The following NFATC2IP variants were observed in gnomAD, a reference collection of about 807,000 sequenced individuals.
NFATC2IP encodes the protein NFATC2-interacting protein.
Under a neutral mutation model 40.2 loss-of-function variants are expected in NFATC2IP, and 25 were observed. The observed-to-expected ratio is 0.62, with a 90% CI of 0.45 to 0.87. The LOEUF is 0.87. Ranked by LOEUF, NFATC2IP falls within the 40% of genes least tolerant of loss-of-function variation. The pLI, the probability that NFATC2IP is intolerant of heterozygous loss-of-function variation, is 0.00. For missense variants in NFATC2IP, 553 were observed against 555.6 expected (o/e 1.00, Z 0.05); for synonymous variants, 241 against 236.3 (o/e 1.02, Z -0.18).
chr16:28,950,944 C>T lies in NFATC2IP; in HGVS notation c.-68C>T. The T allele has an allele frequency of 2.1e-6, 3 of 1,417,120 alleles. No individual in the cohort carries two copies. The highest frequency in any genetic ancestry group is 2.7e-6 in the Non-Finnish European group (3 of 1,091,642). 87.8% of individuals were successfully genotyped at this position (1,417,120 alleles called of 1,614,324 possible). ...AGCAGGCTGTTTGTCCAATGCAAGG[C>T]GAAAGTCGCTGAAGGGGGCGGGGCG... is the stretch of plus-strand genomic sequence containing the variant. On this transcript the variant is annotated 5_prime_UTR_variant, in exon 1 of 8. Coordinates refer to ENST00000320805, the MANE Select transcript of NFATC2IP (RefSeq NM_032815.4).
intron 2 of NFATC2IP, 64 bp from the exon 3 acceptor site, chr16:28,954,501 C>T (rs1006525510): frequency 9.1e-7 from 1 of 1,104,708 alleles, no homozygotes; most frequent in South Asian, 1.3e-5. Flanking sequence ...TGACTTGTTT[C>T]TTCTTGGCCT....
At position 28,951,158 on chromosome 16, in the gene NFATC2IP, C is replaced by T; in HGVS notation, c.147C>T (p.Asp49=). 2.6e-6 allele frequency: 4 copies of T among 1,545,552 alleles called. No individual in the cohort carries two copies. Among genetic ancestry groups the T allele is most frequent in the Non-Finnish European group, 3.5e-6 (4 of 1,144,280 alleles). Residue 49 remains aspartate, a synonymous_variant, in exon 1 of 8, where the codon GAC becomes GAT. Transcript: ENST00000320805. Reference sequence around the variant, plus strand: ...GCACGCTGGACGTAGTGTCTGTGGACTTGGTCACCGACAGCGATGAGGAAA... The same window carrying T: ...GCACGCTGGACGTAGTGTCTGTGGATTTGGTCACCGACAGCGATGAGGAAA... ...SRGTLDVVSV[D]LVTDSDEEIL... is the part of the protein sequence containing the mutation.
chr16:28,956,168 T>C lies in NFATC2IP; in HGVS notation c.677T>C (p.Leu226Pro). 6.2e-7 allele frequency: 1 copy of C among 1,613,970 alleles called. No individual in the cohort carries two copies. Among genetic ancestry groups the C allele is most frequent in the Non-Finnish European group, 8.5e-7 (1 of 1,179,972 alleles). Residue 226 changes from leucine to proline, a missense_variant, in exon 5 of 8, where the codon CTC becomes CCC. Coordinates refer to ENST00000320805, the MANE Select transcript of NFATC2IP (RefSeq NM_032815.4). ...LKKLSEVNKR[L>P]QDLRSCLSPK... ...CACTGCAGTGAGGTGAACAAGCGCC[T>C]CCAGGATCTCCGTTCCTGTCTGAGC... is the stretch of plus-strand genomic sequence containing the variant.
chr16:28,960,444 A>G (rs535719444), intron 7 of NFATC2IP, among the ~76,000 whole-genome samples: 1 of 152,324 alleles, frequency 6.6e-6, no homozygotes, highest in Admixed American at 6.5e-5. Context: ...ATCTCATTTA[A>G]ATATAATCAA....
rs1282346429 is a variant in NFATC2IP, at chr16:28,966,612, G to A, written c.*2749G>A. On this transcript the variant is annotated 3_prime_UTR_variant, in exon 8 of 8. Coordinates refer to ENST00000320805, the MANE Select transcript of NFATC2IP (RefSeq NM_032815.4). ...CAAAAAAAAAAAAAAAAAAAAATGA[G>A]CTAGGTGTGGTGGCAGGCGCCTGTA... 1 of 138,966 alleles carries A rather than the reference G, an allele frequency of 7.2e-6. No homozygotes were observed. Among genetic ancestry groups the A allele is most frequent in the Non-Finnish European group, 1.5e-5 (1 of 64,902 alleles). The allele number at this position is 138,966 out of a possible 1,614,324, so 8.6% of individuals were successfully genotyped here.
At chr16:28,956,591 C>CT (rs1233616722) in intron 5 of NFATC2IP, 592 of 472,774 alleles carry the variant, frequency 1.3e-3, no homozygotes, top group South Asian at 1.6e-3. Flanking sequence ...CATCCTGTGT[C>CT]TTTTTTTTTC....
intron 2 of NFATC2IP, among the ~76,000 whole-genome samples, chr16:28,953,561 C>G (rs1025885517): frequency 1.3e-5 from 2 of 152,154 alleles, no homozygotes; most frequent in African/African-American, 4.8e-5. Flanking sequence ...AAAGGTACCT[C>G]TATCCCTGAT....
chr16:28,951,688 GA>G (rs1364217384), intron 1 of NFATC2IP, among the ~76,000 whole-genome samples: 9 of 152,084 alleles, frequency 5.9e-5, no homozygotes, highest in Non-Finnish European at 1.2e-4. Flanking sequence ...TTTGGAGAGG[GA>G]CTGGGAGGAC....
intron 7 of NFATC2IP, among the ~76,000 whole-genome samples, chr16:28,963,124 G>T (rs1211827591): frequency 6.6e-6 from 1 of 152,194 alleles, no homozygotes; most frequent in Non-Finnish European, 1.5e-5. Flanking sequence ...AGAGGTTGCA[G>T]TGAGTTGTCT....
At chr16:28,961,579 A>AT (rs898814641) in intron 7 of NFATC2IP, among the ~76,000 whole-genome samples, 3 of 151,604 alleles carry the variant, frequency 2.0e-5, no homozygotes, top group Non-Finnish European at 4.4e-5. Flanking sequence ...CAAACTCAGG[A>AT]TTTTTTTCTT....
rs1965123885 is a variant in NFATC2IP, at chr16:28,964,659, AT to A, written c.*799del. ...CACCCATGTCTTTGAATATGAATGT[AT>A]TTGTAAAATACCACGTTTCATGTGT... On this transcript the variant is annotated 3_prime_UTR_variant, in exon 8 of 8. Transcript: ENST00000320805. 1 of 152,322 alleles carries A rather than the reference AT, an allele frequency of 6.6e-6. No individual in the cohort carries two copies. Among genetic ancestry groups the A allele is most frequent in the Non-Finnish European group, 1.5e-5 (1 of 68,032 alleles). The allele number at this position is 152,322 out of a possible 1,614,324, so 9.4% of individuals were successfully genotyped here.
intron 3 of NFATC2IP, 111 bp from the exon 4 acceptor site, chr16:28,955,867 G>A (rs1384538340): frequency 2.3e-6 from 2 of 856,446 alleles, no homozygotes; most frequent in Non-Finnish European, 3.8e-6. Flanking sequence ...GGGATTACAG[G>A]TGTGAGCCAT....
At position 28,951,243 on chromosome 16, in the gene NFATC2IP, C is replaced by T. The variant is rs1163630779; in HGVS notation, c.232C>T (p.Pro78Ser). Residue 78 changes from proline (P) to serine (S), a missense_variant, in exon 1 of 8, where the codon CCC becomes TCC. Pro to Ser is a moderately conservative substitution (Grantham distance 74). Transcript: ENST00000320805. ...ADEVEVEPPE[P>S]PGPVASRDNS... Reference sequence around the variant, plus strand: ...CGAGGTTGAGGTGGAGCCCCCGGAGCCCCCGGGGCCGGTCGCGTCCCGGGA... The same window carrying T: ...CGAGGTTGAGGTGGAGCCCCCGGAGTCCCCGGGGCCGGTCGCGTCCCGGGA... 63 of 1,495,386 alleles carry T rather than the reference C, an allele frequency of 4.2e-5. No homozygotes were observed. The highest frequency in any genetic ancestry group is 5.1e-5 in the Non-Finnish European group (57 of 1,116,872). The allele number at this position is 1,495,386 out of a possible 1,614,324, so 92.6% of individuals were successfully genotyped here.
Position 28,951,239 on chromosome 16 carries a change from G to T in NFATC2IP, c.228G>T (p.Pro76=). The change falls in exon 1 of 8, where the codon CCG becomes CCT. Residue 76 remains proline (P), a synonymous_variant. Transcript: ENST00000320805. ...GAADEVEVEP[P]EPPGPVASRD... is the part of the protein sequence containing the mutation. Reference sequence around the variant, plus strand: ...CGGACGAGGTTGAGGTGGAGCCCCCGGAGCCCCCGGGGCCGGTCGCGTCCC... The same window carrying T: ...CGGACGAGGTTGAGGTGGAGCCCCCTGAGCCCCCGGGGCCGGTCGCGTCCC... The T allele has an allele frequency of 1.3e-6, 2 of 1,513,074 alleles. No homozygotes were observed. Among genetic ancestry groups the T allele is most frequent in the Non-Finnish European group, 1.8e-6 (2 of 1,125,864 alleles). 93.7% of individuals were successfully genotyped at this position (1,513,074 alleles called of 1,614,324 possible). A position where few individuals can be genotyped will look rare whatever the true frequency, so the allele number is the denominator to read the frequency against.
At position 28,967,048 on chromosome 16, in the gene NFATC2IP, AAATTATATG is replaced by A. The variant is rs1698785428; in HGVS notation, c.*3186_*3194del. ...TCCATTAATAAGTTTGAATACGTTA[AAATTATATG>A]TTTAACCTCAACAAAATAAATGGCA... On this transcript the variant is annotated 3_prime_UTR_variant, in exon 8 of 8. Transcript: ENST00000320805. The A allele has an allele frequency of 1.3e-5, 2 of 152,196 alleles. No individual in the cohort carries two copies. The highest frequency in any genetic ancestry group is 4.8e-5 in the African/African-American group (2 of 41,444). 9.4% of individuals were successfully genotyped at this position (152,196 alleles called of 1,614,324 possible).
chr16:28,958,681 A>C (rs773832502), intron 5 of NFATC2IP, 36 bp from the exon 6 acceptor site: 4 of 1,581,758 alleles, frequency 2.5e-6, no homozygotes. Context: ...ATTTCAAGGC[A>C]GGAAGACCTC....
In NFATC2IP at chr16:28,965,442, A is replaced by G. The variant is rs965292508; in HGVS notation, c.*1579A>G. The G allele has an allele frequency of 1.3e-5, 2 of 151,998 alleles. No individual in the cohort carries two copies. Among genetic ancestry groups the G allele is most frequent in the African/African-American group, 4.8e-5 (2 of 41,362 alleles). The allele number at this position is 151,998 out of a possible 1,614,324, so 9.4% of individuals were successfully genotyped here. On this transcript the variant is annotated 3_prime_UTR_variant, in exon 8 of 8. Transcript: ENST00000320805. ...CTCGTCTCTACAAAAAAAAATTAAA[A>G]AGGGGGCTTTGGGAGGCCAAGGCGG...
At chr16:28,956,119 C>T (rs772783182) in intron 4 of NFATC2IP, 32 bp from the exon 5 acceptor site, 16 of 1,613,476 alleles carry the variant, frequency 9.9e-6, no homozygotes, top group African/African-American at 9.3e-5. Context: ...GTGGCTGACT[C>T]CAGTTGACCC....
intron 7 of NFATC2IP, 140 bp downstream of exon 7, chr16:28,959,240 C>A: frequency 1.6e-6 from 1 of 606,602 alleles, no homozygotes; most frequent in Non-Finnish European, 3.0e-6. Flanking sequence ...GGTTCCCAGC[C>A]ATCCTAGGTA....
Sources: allele counts gnomAD v4.1 joint callset (sites outside exome capture counted in the v4.1 genomes callset), GRCh38; gene constraint gnomAD v4.1.1; transcripts MANE v1.5; gene names NCBI Gene and HGNC (gene_info 2026-07-23, HGNC 2026-07-21).